ENOX1: variants seen among roughly 807,000 people sequenced by gnomAD.
The protein encoded by ENOX1 is ecto-NOX disulfide-thiol exchanger 1, also known as candidate growth-related and time keeping constitutive hydroquinone (NADH) oxidase.
Under a neutral mutation model 82.5 loss-of-function variants are expected in ENOX1, and 42 were observed. The observed-to-expected ratio is 0.51, with a 90% CI of 0.40 to 0.66. The LOEUF is 0.66. Among genes scored for constraint, ENOX1 ranks in the 30% least tolerant of loss-of-function variants. ENOX1 has a pLI of 0.00. For missense variants in ENOX1, 608 were observed against 811.6 expected, an observed-to-expected ratio of 0.75 and a Z score of 3.05; for synonymous variants, 271 against 282.2, an observed-to-expected ratio of 0.96 and a Z score of 0.40.
chr13:43,670,065 T>C (rs2085182696), intron 1 of ENOX1, among the ~76,000 whole-genome samples: 1 of 152,146 alleles, frequency 6.6e-6, no homozygotes, highest in African/African-American at 2.4e-5. Context: ...TGAAACACGC[T>C]TCATTACCAG....
intron 14 of ENOX1, among the ~76,000 whole-genome samples, chr13:43,246,764 G>A (rs567137615): frequency 2.0e-5 from 3 of 152,246 alleles, no homozygotes; most frequent in Admixed American, 2.0e-4. Context: ...AGGTGGAGAG[G>A]CTCAGGCAAG....
chr13:43,562,591 G>T (rs1159871597), intron 2 of ENOX1, among the ~76,000 whole-genome samples: 1 of 152,000 alleles, frequency 6.6e-6, no homozygotes, highest in African/African-American at 2.4e-5. Flanking sequence ...TGGCTGAACA[G>T]ATAAAACAAA....
At chr13:43,375,767 C>T (rs913864440) in intron 5 of ENOX1, among the ~76,000 whole-genome samples, 2 of 152,270 alleles carry the variant, frequency 1.3e-5, no homozygotes, top group Admixed American at 6.5e-5. Context: ...CCCCATGGGC[C>T]CCAGCCACAC....
At chr13:43,233,303 C>G (rs2042372371) in intron 15 of ENOX1, among the ~76,000 whole-genome samples, 1 of 152,168 alleles carries the variant, frequency 6.6e-6, no homozygotes, top group African/African-American at 2.4e-5. Flanking sequence ...AGGGGCCTGT[C>G]TTCTTTAGTT....
At chr13:43,628,313 A>G (rs1486234290) in intron 2 of ENOX1, among the ~76,000 whole-genome samples, 2 of 152,010 alleles carry the variant, frequency 1.3e-5, no homozygotes, top group African/African-American at 4.8e-5. Context: ...CTTTACTCTC[A>G]TCATTGAGAT....
At chr13:43,675,203 A>G (rs74064303) in intron 1 of ENOX1, among the ~76,000 whole-genome samples, 3,074 of 152,306 alleles carry the variant, frequency 0.02, 123 homozygotes, top group African/African-American at 0.071. Flanking sequence ...TCTAGTCTAC[A>G]GTAGTAGCAA....
At chr13:43,469,887 C>G (rs561338817) in intron 3 of ENOX1, among the ~76,000 whole-genome samples, 40 of 151,850 alleles carry the variant, frequency 2.6e-4, no homozygotes, top group African/African-American at 9.6e-4. Flanking sequence ...TATAAAGCTA[C>G]AGAAATCAGT....
chr13:43,226,919 T>C (rs2153453752), intron 15 of ENOX1, among the ~76,000 whole-genome samples: 1 of 151,892 alleles, frequency 6.6e-6, no homozygotes, highest in South Asian at 2.1e-4. Flanking sequence ...AAGTCTCCCA[T>C]GGAGAAAGAG....
intron 2 of ENOX1, among the ~76,000 whole-genome samples, chr13:43,601,362 A>G (rs1296613920): frequency 6.6e-6 from 1 of 152,118 alleles, no homozygotes; most frequent in Non-Finnish European, 1.5e-5. Context: ...AGAATCAAGA[A>G]GAAATTCTGG....
intron 5 of ENOX1, among the ~76,000 whole-genome samples, chr13:43,365,959 C>T (rs2050821154): frequency 1.3e-5 from 2 of 152,192 alleles, no homozygotes; most frequent in Non-Finnish European, 2.9e-5. Context: ...GCTTCTTTTT[C>T]CAGAATTACT....
intron 11 of ENOX1, among the ~76,000 whole-genome samples, chr13:43,319,687 G>A (rs1278334783): frequency 2.0e-5 from 3 of 152,104 alleles, no homozygotes; most frequent in African/African-American, 4.8e-5. Flanking sequence ...ACCTCCTCCC[G>A]GCACAGGCAG....
chr13:43,427,325 A>T (rs561276320), intron 3 of ENOX1, among the ~76,000 whole-genome samples: 3 of 152,152 alleles, frequency 2.0e-5, no homozygotes, highest in Non-Finnish European at 4.4e-5. Context: ...ACAACAACCT[A>T]TGAGATAGAT....
intron 2 of ENOX1, among the ~76,000 whole-genome samples, chr13:43,610,146 T>C (rs1396090314): frequency 6.6e-6 from 1 of 152,242 alleles, no homozygotes; most frequent in Admixed American, 6.5e-5. Flanking sequence ...CCATCTGCCC[T>C]GGCCATCAGG....
At chr13:43,736,029 CCTT>C (rs1247166616) in intron 1 of ENOX1, among the ~76,000 whole-genome samples, 5 of 152,052 alleles carry the variant, frequency 3.3e-5, no homozygotes, top group Admixed American at 6.6e-5. Flanking sequence ...CTTCCATTTC[CCTT>C]CTTTCATTGA....
At chr13:43,337,368 C>T (rs564308870) in intron 9 of ENOX1, among the ~76,000 whole-genome samples, 2 of 152,240 alleles carry the variant, frequency 1.3e-5, no homozygotes, top group African/African-American at 4.8e-5. Flanking sequence ...ATCAAGCAAA[C>T]AAACCAATAA....
chr13:43,776,222 A>G (rs563344079), intron 1 of ENOX1, among the ~76,000 whole-genome samples: 1 of 152,328 alleles, frequency 6.6e-6, no homozygotes, highest in Admixed American at 6.5e-5. Context: ...CTGCTGGTAG[A>G]AAATAAGATA....
At chr13:43,380,350 TGATATATATAGAAGTAAAATATA>T (rs377125574) in intron 5 of ENOX1, among the ~76,000 whole-genome samples, 1,792 of 151,936 alleles carry the variant, frequency 0.012, 30 homozygotes, top group African/African-American at 0.04. Flanking sequence ...TCTGGGTTTA[TGATATATATAGAAGTAAAATATA>T]AGACAGCAAA....
At chr13:43,278,432 C>T (rs945962800) in intron 12 of ENOX1, among the ~76,000 whole-genome samples, 14 of 152,008 alleles carry the variant, frequency 9.2e-5, no homozygotes, top group African/African-American at 1.7e-4. Flanking sequence ...TTTGCAAAGA[C>T]GATGAACTAG....
At chr13:43,252,386 C>T (rs937995082) in intron 14 of ENOX1, among the ~76,000 whole-genome samples, 5 of 152,204 alleles carry the variant, frequency 3.3e-5, no homozygotes, top group Non-Finnish European at 7.3e-5. Flanking sequence ...AGAGAATGGC[C>T]TCCATATACC....
Sources: allele counts gnomAD v4.1 joint callset (sites outside exome capture counted in the v4.1 genomes callset), GRCh38; gene constraint gnomAD v4.1.1; transcripts MANE v1.5; gene names NCBI Gene and HGNC (gene_info 2026-07-23, HGNC 2026-07-21).